Variants in NKAIN2 observed in about 807,000 individuals in gnomAD.
The protein encoded by NKAIN2 is sodium/potassium-transporting ATPase subunit beta-1-interacting protein 2.
NKAIN2 carries 14 observed loss-of-function variants against 32.6 expected under a neutral mutation model. The observed-to-expected ratio is 0.43, with a 90% CI of 0.28 to 0.67. NKAIN2 has a LOEUF of 0.67. NKAIN2 is among the 30% of genes least tolerant of loss of function. The pLI is 0.17. For synonymous variants in NKAIN2, 80 were observed against 87.2 expected (o/e 0.92, Z 0.46); for missense variants, 198 against 258.3 (o/e 0.77, Z 1.60).
intron 1 of NKAIN2, among the ~76,000 whole-genome samples, chr6:123,929,888 C>T (rs1437618316): frequency 6.6e-6 from 1 of 152,076 alleles, no homozygotes; most frequent in Non-Finnish European, 1.5e-5. Context: ...CTTTGAACAT[C>T]ATGTGGGCAC....
At chr6:124,700,181 G>T (rs578226573) in intron 4 of NKAIN2, among the ~76,000 whole-genome samples, 221 of 152,158 alleles carry the variant, frequency 1.5e-3, no homozygotes, top group Non-Finnish European at 1.8e-3. Context: ...TCTAATTATT[G>T]TTCTACACAT....
At chr6:123,968,093 C>T (rs1459435570) in intron 1 of NKAIN2, among the ~76,000 whole-genome samples, 1 of 152,174 alleles carries the variant, frequency 6.6e-6, no homozygotes. Context: ...CAGCCACTTG[C>T]AGGAGCACTT....
At chr6:124,806,323 A>G (rs866445052) in intron 5 of NKAIN2, among the ~76,000 whole-genome samples, 3 of 152,224 alleles carry the variant, frequency 2.0e-5, no homozygotes, top group Non-Finnish European at 2.9e-5. Context: ...GAAGAGAGTG[A>G]GGGCCAATAT....
intron 3 of NKAIN2, among the ~76,000 whole-genome samples, chr6:124,637,990 T>A (rs184378424): frequency 6.6e-6 from 1 of 152,254 alleles, no homozygotes; most frequent in Non-Finnish European, 1.5e-5. Context: ...GGCATCATAC[T>A]ATCTAACTTA....
In NKAIN2 at chr6:124,823,684, G is replaced by A. The variant is rs1228660590; in HGVS notation, c.*455G>A. On this transcript the variant is annotated 3_prime_UTR_variant, in exon 7 of 7. Transcript: ENST00000368417. ...ATCTTGACAGCACCACGGCTACTTAGGCAATGTAATTGCAAAAACAAACGA... is the reference window on the plus strand; with the variant it reads ...ATCTTGACAGCACCACGGCTACTTAAGCAATGTAATTGCAAAAACAAACGA... 1.2e-5 allele frequency: 2 copies of A among 160,510 alleles called. No individual in the cohort carries two copies. The highest frequency in any genetic ancestry group is 4.8e-5 in the African/African-American group (2 of 41,632). The allele number at this position is 160,510 out of a possible 1,614,324, so 9.9% of individuals were successfully genotyped here. A position where few individuals can be genotyped will look rare whatever the true frequency, so the allele number is the denominator to read the frequency against.
At chr6:124,711,765 T>C (rs191354877) in intron 4 of NKAIN2, among the ~76,000 whole-genome samples, 122 of 152,280 alleles carry the variant, frequency 8.0e-4, no homozygotes, top group African/African-American at 2.8e-3. Flanking sequence ...TTGGTTTGAA[T>C]GTCCTCCCAT....
intron 4 of NKAIN2, among the ~76,000 whole-genome samples, chr6:124,786,268 G>C (rs567506705): frequency 2.0e-5 from 3 of 151,972 alleles, no homozygotes; most frequent in Non-Finnish European, 4.4e-5. Context: ...TAGCTGGTCT[G>C]CCTCAAAGTC....
chr6:123,980,429 T>G (rs1778833701), intron 1 of NKAIN2, among the ~76,000 whole-genome samples: 1 of 152,198 alleles, frequency 6.6e-6, no homozygotes. Context: ...AAGATTTCAA[T>G]TATACATTAC....
At chr6:124,611,029 C>T (rs1295974932) in intron 3 of NKAIN2, among the ~76,000 whole-genome samples, 1 of 152,054 alleles carries the variant, frequency 6.6e-6, no homozygotes, top group Non-Finnish European at 1.5e-5. Flanking sequence ...AAATTAAAGG[C>T]CACTTAGAAA....
At chr6:124,719,179 T>C (rs1207596067) in intron 4 of NKAIN2, among the ~76,000 whole-genome samples, 1 of 152,222 alleles carries the variant, frequency 6.6e-6, no homozygotes, top group African/African-American at 2.4e-5. Context: ...CTAATTTCCA[T>C]TTTGTGGTAA....
At chr6:124,600,590 A>G (rs949730395) in intron 3 of NKAIN2, among the ~76,000 whole-genome samples, 13 of 152,074 alleles carry the variant, frequency 8.5e-5, no homozygotes, top group African/African-American at 2.7e-4. Context: ...GTATTGGAGG[A>G]ATCCATGGGT....
At chr6:124,407,157 T>C (rs543504280) in intron 3 of NKAIN2, among the ~76,000 whole-genome samples, 1 of 152,274 alleles carries the variant, frequency 6.6e-6, no homozygotes, top group South Asian at 2.1e-4. Context: ...TTTATAGTTT[T>C]AGGATTTACA....
chr6:124,546,597 C>T (rs1035945176), intron 3 of NKAIN2, among the ~76,000 whole-genome samples: 22 of 151,726 alleles, frequency 1.4e-4, no homozygotes, highest in African/African-American at 7.3e-5. Flanking sequence ...CCTACCTCAT[C>T]GAATATATAC....
intron 2 of NKAIN2, among the ~76,000 whole-genome samples, chr6:124,334,802 G>A (rs1356806932): frequency 1.3e-5 from 2 of 152,118 alleles, no homozygotes; most frequent in African/African-American, 4.8e-5. Context: ...GGCAAGAAGG[G>A]GGTTTGTTTT....
intron 1 of NKAIN2, among the ~76,000 whole-genome samples, chr6:123,847,027 T>C (rs1775123397): frequency 6.6e-6 from 1 of 152,228 alleles, no homozygotes; most frequent in African/African-American, 2.4e-5. Context: ...AGGAATACAT[T>C]CTTTATTTCA....
intron 1 of NKAIN2, among the ~76,000 whole-genome samples, chr6:124,112,881 G>A (rs1489395223): frequency 6.6e-6 from 1 of 151,376 alleles, no homozygotes; most frequent in Admixed American, 6.6e-5. Context: ...CAGGTCACTT[G>A]TGTTCTTCAG....
At chr6:124,342,614 C>A (rs902079754) in intron 2 of NKAIN2, among the ~76,000 whole-genome samples, 2 of 151,732 alleles carry the variant, frequency 1.3e-5, no homozygotes, top group African/African-American at 2.4e-5. Flanking sequence ...TTCAAGAGAT[C>A]TTCCCACCTC....
chr6:123,841,540 A>G (rs1482224542), intron 1 of NKAIN2, among the ~76,000 whole-genome samples: 1 of 152,192 alleles, frequency 6.6e-6, no homozygotes, highest in Non-Finnish European at 1.5e-5. Context: ...TTTACACCTC[A>G]TAACTTTCTT....
At chr6:124,098,984 A>G (rs1320598308) in intron 1 of NKAIN2, among the ~76,000 whole-genome samples, 1 of 152,128 alleles carries the variant, frequency 6.6e-6, no homozygotes, top group Non-Finnish European at 1.5e-5. Flanking sequence ...ATAAGAGATA[A>G]AGTTAGGTTA....
Sources: allele counts gnomAD v4.1 joint callset (sites outside exome capture counted in the v4.1 genomes callset), GRCh38; gene constraint gnomAD v4.1.1; transcripts MANE v1.5; gene names NCBI Gene and HGNC (gene_info 2026-07-23, HGNC 2026-07-21).